The following NKAIN2 variants were observed in gnomAD, a reference collection of about 807,000 sequenced individuals.
The protein encoded by NKAIN2 is sodium/potassium transporting ATPase interacting 2, also known as sodium/potassium-transporting ATPase subunit beta-1-interacting protein 2.
In NKAIN2, 14 loss-of-function variants were observed where a neutral mutation model predicts 32.6. The observed-to-expected ratio is 0.43, with a 90% CI of 0.28 to 0.67. The LOEUF (loss-of-function observed/expected upper bound fraction) is 0.67, where lower values mean the gene tolerates loss of function less well. Among genes scored for constraint, NKAIN2 ranks in the 30% least tolerant of loss-of-function variants. The pLI, the probability that NKAIN2 is intolerant of heterozygous loss-of-function variation, is 0.17. For synonymous variants in NKAIN2, 80 were observed against 87.2 expected, an observed-to-expected ratio of 0.92 and a Z score of 0.46; for missense variants, 198 against 258.3, an observed-to-expected ratio of 0.77 and a Z score of 1.60.
intron 1 of NKAIN2, among the ~76,000 whole-genome samples, chr6:124,114,367 T>C (rs1785514447): frequency 6.6e-6 from 1 of 152,002 alleles, no homozygotes; most frequent in Admixed American, 6.6e-5. Context: ...TTAACAGAAA[T>C]GGGGATGACT....
chr6:124,037,551 T>G (rs946668532), intron 1 of NKAIN2, among the ~76,000 whole-genome samples: 1 of 152,138 alleles, frequency 6.6e-6, no homozygotes, highest in Non-Finnish European at 1.5e-5. Flanking sequence ...TCTAACAAAT[T>G]AAATTCGGTC....
At chr6:123,807,999 T>C (rs776296185) in intron 1 of NKAIN2, among the ~76,000 whole-genome samples, 5 of 152,190 alleles carry the variant, frequency 3.3e-5, no homozygotes, top group Non-Finnish European at 5.9e-5. Context: ...CAAAGGTACA[T>C]ATTTTTTTTC....
chr6:124,610,010 C>T (rs988452161), intron 3 of NKAIN2, among the ~76,000 whole-genome samples: 7 of 152,082 alleles, frequency 4.6e-5, no homozygotes, highest in African/African-American at 9.7e-5. Flanking sequence ...ATAGTAAACA[C>T]AGTGTAGTGT....
At chr6:124,632,964 C>T (rs1783626952) in intron 3 of NKAIN2, among the ~76,000 whole-genome samples, 1 of 152,168 alleles carries the variant, frequency 6.6e-6, no homozygotes, top group African/African-American at 2.4e-5. Context: ...TAAGAGGACA[C>T]ATCAAGGTCT....
intron 4 of NKAIN2, among the ~76,000 whole-genome samples, chr6:124,688,873 A>G (rs1774124861): frequency 6.6e-6 from 1 of 151,914 alleles, no homozygotes; most frequent in Non-Finnish European, 1.5e-5. Flanking sequence ...ATATCCACTT[A>G]CCTCCTAAAG....
At chr6:124,242,880 G>A (rs1270041101) in intron 1 of NKAIN2, among the ~76,000 whole-genome samples, 1 of 150,084 alleles carries the variant, frequency 6.7e-6, no homozygotes, top group Non-Finnish European at 1.5e-5. Flanking sequence ...TCACACGGGG[G>A]CATGTCAGGG....
chr6:124,816,769 G>A (rs987458916), intron 5 of NKAIN2, among the ~76,000 whole-genome samples: 2 of 152,090 alleles, frequency 1.3e-5, no homozygotes, highest in African/African-American at 4.8e-5. Context: ...AAGAAGTAAT[G>A]GGTGTCCTAG....
At chr6:124,804,680 C>G (rs1439293800) in intron 5 of NKAIN2, among the ~76,000 whole-genome samples, 1 of 152,224 alleles carries the variant, frequency 6.6e-6, no homozygotes. Flanking sequence ...TGAGCCGAAG[C>G]AGGGCGAGGC....
chr6:124,755,080 AGTG>A (rs1777900722), intron 4 of NKAIN2, among the ~76,000 whole-genome samples: 1 of 152,172 alleles, frequency 6.6e-6, no homozygotes, highest in South Asian at 2.1e-4. Flanking sequence ...AGAAGCCAGT[AGTG>A]GCTCAGTCCA....
chr6:124,271,435 C>A (rs1303757314), intron 1 of NKAIN2, among the ~76,000 whole-genome samples: 9 of 152,182 alleles, frequency 5.9e-5, no homozygotes, highest in Non-Finnish European at 1.3e-4. Context: ...CCGGGATGGT[C>A]TTGATCTCCT....
intron 4 of NKAIN2, among the ~76,000 whole-genome samples, chr6:124,660,117 T>C (rs925481970): frequency 6.6e-6 from 1 of 152,094 alleles, no homozygotes; most frequent in African/African-American, 2.4e-5. Flanking sequence ...TTTCTGTGAT[T>C]TGGGGTCAGA....
intron 3 of NKAIN2, among the ~76,000 whole-genome samples, chr6:124,424,654 A>C (rs1274949972): frequency 3.3e-5 from 5 of 152,106 alleles, no homozygotes; most frequent in African/African-American, 1.2e-4. Context: ...TTCAACATTT[A>C]AGTGAGATCA....
intron 3 of NKAIN2, among the ~76,000 whole-genome samples, chr6:124,637,806 GAATT>G (rs1248060875): frequency 1.3e-5 from 2 of 152,020 alleles, no homozygotes; most frequent in East Asian, 3.9e-4. Context: ...TGGATTGGAA[GAATT>G]AATATGGCTA....
chr6:124,510,228 T>G (rs985095483), intron 3 of NKAIN2, among the ~76,000 whole-genome samples: 6 of 152,170 alleles, frequency 3.9e-5, no homozygotes, highest in African/African-American at 1.2e-4. Flanking sequence ...CTAAACACTC[T>G]TATTTTTAAA....
At chr6:124,346,165 G>A (rs1798412677) in intron 2 of NKAIN2, among the ~76,000 whole-genome samples, 1 of 152,158 alleles carries the variant, frequency 6.6e-6, no homozygotes, top group Non-Finnish European at 1.5e-5. Context: ...TCTTAATCCT[G>A]AGTTCTAGTT....
intron 1 of NKAIN2, among the ~76,000 whole-genome samples, chr6:124,076,497 A>C (rs1783702759): frequency 1.3e-5 from 2 of 152,212 alleles, no homozygotes; most frequent in Admixed American, 1.3e-4. Flanking sequence ...TTACTAAACA[A>C]AAGATAAGAG....
chr6:124,550,512 T>C (rs1780249131), intron 3 of NKAIN2, among the ~76,000 whole-genome samples: 1 of 152,156 alleles, frequency 6.6e-6, no homozygotes, highest in Admixed American at 6.5e-5. Context: ...GTTACTTTTA[T>C]TGGAAAATGG....
chr6:123,997,438 G>A (rs980917710), intron 1 of NKAIN2, among the ~76,000 whole-genome samples: 1 of 151,994 alleles, frequency 6.6e-6, no homozygotes, highest in Non-Finnish European at 1.5e-5. Context: ...CAGCTGTCTT[G>A]GACCAGTGCC....
intron 4 of NKAIN2, among the ~76,000 whole-genome samples, chr6:124,695,381 A>G (rs1774451241): frequency 6.6e-6 from 1 of 152,226 alleles, no homozygotes; most frequent in Non-Finnish European, 1.5e-5. Context: ...CTTAGGGCAA[A>G]TCTATTCTTA....
Sources: allele counts gnomAD v4.1 joint callset (sites outside exome capture counted in the v4.1 genomes callset), GRCh38; gene constraint gnomAD v4.1.1; transcripts MANE v1.5; gene names NCBI Gene and HGNC (gene_info 2026-07-23, HGNC 2026-07-21).